Variants in ANKRD46 observed in about 807,000 individuals in gnomAD.
ANKRD46 encodes the protein ankyrin repeat domain-containing protein 46.
ANKRD46 carries 13 observed loss-of-function variants against 19.8 expected under a neutral mutation model. The observed-to-expected ratio is 0.66, with a 90% confidence interval of 0.43 to 1.04. ANKRD46 has a LOEUF of 1.04. ANKRD46 is among the 50% of genes least tolerant of loss of function. ANKRD46 has a pLI of 0.00. For synonymous variants in ANKRD46, 91 were observed against 106.9 expected, an observed-to-expected ratio of 0.85 and a Z score of 0.92; for missense variants, 185 against 274.8, an observed-to-expected ratio of 0.67 and a Z score of 2.31.
chr8:100,529,374 G>T lies in ANKRD46; in HGVS notation c.311+149C>A. ...AAGTCAGCCCCTCATTCCCTCACTT[G>T]CCTAACAGGATTACACTGTCTTCAA... On this transcript the variant is annotated intron_variant, in intron 3 of 4. Coordinates refer to ENST00000335659, the MANE Select transcript of ANKRD46 (RefSeq NM_001270377.2). This position sits in a 1 kb window ranked among gnomAD's most constrained non-coding sequence, Gnocchi z 5.8. 1 of 824,774 alleles carries T rather than the reference G, an allele frequency of 1.2e-6. No homozygotes were observed. The highest frequency in any genetic ancestry group is 1.8e-6 in the Non-Finnish European group (1 of 557,856). 51.1% of individuals were successfully genotyped at this position (824,774 alleles called of 1,614,324 possible). A position where few individuals can be genotyped will look rare whatever the true frequency, so the allele number is the denominator to read the frequency against.
chr8:100,530,633 T>C (rs1811941662), intron 2 of ANKRD46, among the ~76,000 whole-genome samples: 1 of 152,148 alleles, frequency 6.6e-6, no homozygotes, highest in South Asian at 2.1e-4. Flanking sequence ...TCCGCCTGCC[T>C]TGGCCTTGCA....
chr8:100,526,665 C>G lies in ANKRD46; in HGVS notation c.470+1180G>C, dbSNP rs16898519. Among the ~76,000 whole-genome samples, 1,082 of 152,224 alleles carry G rather than the reference C, an allele frequency of 7.1e-3. 16 individuals carry two copies. The highest frequency in any genetic ancestry group is 0.025 in the African/African-American group (1,036 of 41,528). The stretch of plus-strand genomic sequence containing the variant: ...ACTGTATTAAAGTGCTTGAAAGTAT[C>G]TGAACAAAATAGACCTAAGCTTGAG... On this transcript the variant is annotated intron_variant, in intron 4 of 4. Transcript: ENST00000335659.
In ANKRD46 at chr8:100,522,534, C is replaced by A. The variant is rs773309514; in HGVS notation, c.*21G>T. The stretch of plus-strand genomic sequence containing the variant: ...AAGCCAGGAAACAGGCAATTAATTG[C>A]CTCATCTTCCATGAGCTCCTTTAAT... On this transcript the variant is annotated 3_prime_UTR_variant, in exon 5 of 5. Coordinates refer to ENST00000335659, the MANE Select transcript of ANKRD46 (RefSeq NM_001270377.2). 1 of 1,611,964 alleles carries A rather than the reference C, an allele frequency of 6.2e-7. No individual in the cohort carries two copies. Among genetic ancestry groups the A allele is most frequent in the Non-Finnish European group, 8.5e-7 (1 of 1,178,654 alleles).
At chr8:100,555,098 A>G (rs756505628) in intron 1 of ANKRD46, among the ~76,000 whole-genome samples, 68 of 152,162 alleles carry the variant, frequency 4.5e-4, no homozygotes, top group Non-Finnish European at 9.4e-4. Context: ...TTAAATAGAA[A>G]TCTTTTACAA....
At position 100,510,603 on chromosome 8, in the gene ANKRD46, C is replaced by T; in HGVS notation, c.673G>A (p.Asp225Asn). The change falls in exon 6 of 6, where the codon GAC (aspartate) becomes AAC (asparagine). Residue 225 changes from aspartate (D) to asparagine (N), a missense_variant. Transcript: ENST00000520552. This position sits in a 1 kb window ranked among gnomAD's most constrained non-coding sequence, Gnocchi z 4.9. ...TAGATGGCCTGGATTCGGCTTCTGT[C>T]TTGCCTTGCAAAGCTTCCAAGCCTC... 6.5e-7 allele frequency: 1 copy of T among 1,535,526 alleles called. No homozygotes were observed. The highest frequency in any genetic ancestry group is 8.7e-7 in the Non-Finnish European group (1 of 1,146,684).
At chr8:100,548,878 T>A (rs1251158741) in intron 1 of ANKRD46, among the ~76,000 whole-genome samples, 2 of 152,254 alleles carry the variant, frequency 1.3e-5, no homozygotes, top group African/African-American at 2.4e-5. Context: ...CATCTTTTAA[T>A]GTCTGAGAAA....
intron 5 of ANKRD46, among the ~76,000 whole-genome samples, chr8:100,515,548 T>C (rs1435626609): frequency 6.6e-6 from 1 of 152,016 alleles, no homozygotes; most frequent in East Asian, 1.9e-4. Context: ...AGTCTGTATT[T>C]GGCCTAACTA....
chr8:100,529,950 T>C lies in ANKRD46; in HGVS notation c.-27-90A>G. 1 of 993,720 alleles carries C rather than the reference T, an allele frequency of 1.0e-6. No individual in the cohort carries two copies. 61.6% of individuals were successfully genotyped at this position (993,720 alleles called of 1,614,324 possible). The stretch of plus-strand genomic sequence containing the variant: ...AGAAAAGCAATATTTCTCATCCTTT[T>C]TGGCCTCCTGCCTCTAATAAATAAA... On this transcript the variant is annotated intron_variant, in intron 2 of 4. Coordinates refer to ENST00000335659, the MANE Select transcript of ANKRD46 (RefSeq NM_001270377.2). This position sits in a 1 kb window ranked among gnomAD's most constrained non-coding sequence, Gnocchi z 5.8.
chr8:100,531,735 C>T (rs1474942244), intron 2 of ANKRD46, among the ~76,000 whole-genome samples: 1 of 152,106 alleles, frequency 6.6e-6, no homozygotes, highest in African/African-American at 2.4e-5. Context: ...CCTCAAACTC[C>T]TGGGTTCAAG....
intron 1 of ANKRD46, chr8:100,551,782 C>A: frequency 1.1e-5 from 5 of 449,570 alleles, no homozygotes; most frequent in South Asian, 8.4e-5. Flanking sequence ...GCACCCATAC[C>A]CACCTCTCTT....
Position 100,524,739 on chromosome 8 carries a change from G to A in ANKRD46, c.471-1968C>T, listed in dbSNP as rs187297207. Among the ~76,000 whole-genome samples, 88 of 152,220 alleles carry A rather than the reference G, an allele frequency of 5.8e-4. 1 individual carries two copies. The highest frequency in any genetic ancestry group is 2.1e-3 in the African/African-American group (87 of 41,534). On this transcript the variant is annotated intron_variant, in intron 4 of 4. Transcript: ENST00000335659. The surrounding 1 kb of genome is among the most constrained non-coding windows in gnomAD (Gnocchi z 4.3). ...TACGAGTTGACATGCCCTTATACATGTTAGGTATAAAATGAAAATTCCATG... is the reference window on the plus strand; with the variant it reads ...TACGAGTTGACATGCCCTTATACATATTAGGTATAAAATGAAAATTCCATG...
Position 100,524,913 on chromosome 8 carries a change from A to G in ANKRD46, c.471-2142T>C, listed in dbSNP as rs554505466. 5.9e-5 allele frequency among the ~76,000 whole-genome samples: 9 copies of G among 152,258 alleles called. No individual in the cohort carries two copies. Among genetic ancestry groups the G allele is most frequent in the Non-Finnish European group, 1.0e-4 (7 of 67,986 alleles). ...TGTATAATCTTTTTTTAAAAACGTG[A>G]TATCTACACTGTCTTTGGGGGGTGT... On this transcript the variant is annotated intron_variant, in intron 4 of 4. Coordinates refer to ENST00000335659, the MANE Select transcript of ANKRD46 (RefSeq NM_001270377.2). This position sits in a 1 kb window ranked among gnomAD's most constrained non-coding sequence, Gnocchi z 4.3.
intron 1 of ANKRD46, among the ~76,000 whole-genome samples, chr8:100,553,640 T>C (rs1812438344): frequency 6.6e-6 from 1 of 152,080 alleles, no homozygotes; most frequent in Non-Finnish European, 1.5e-5. Context: ...TCGCAGCTAC[T>C]TGGGAGGCTG....
intron 1 of ANKRD46, chr8:100,551,316 C>A: frequency 1.8e-6 from 1 of 543,778 alleles, no homozygotes; most frequent in Admixed American, 2.2e-5. Context: ...AGGGATCATG[C>A]CCATTATGAA....
rs111451789 is a variant in ANKRD46, at chr8:100,557,732, G to A, written c.-131+1979C>T. 5.9e-5 allele frequency among the ~76,000 whole-genome samples: 9 copies of A among 152,264 alleles called. 1 individual carries two copies. The highest frequency in any genetic ancestry group is 2.2e-4 in the African/African-American group (9 of 41,550). On this transcript the variant is annotated intron_variant, in intron 1 of 4. Transcript: ENST00000335659. This position sits in a 1 kb window ranked among gnomAD's most constrained non-coding sequence, Gnocchi z 5.9. ...GCTGTCCCTCTAACAAGACTGAAGGGTTCTGGGCTTTTGCCCTTGCTTGGT... is the reference window on the plus strand; with the variant it reads ...GCTGTCCCTCTAACAAGACTGAAGGATTCTGGGCTTTTGCCCTTGCTTGGT...
At chr8:100,523,468 G>A (rs1430872806) in intron 4 of ANKRD46, among the ~76,000 whole-genome samples, 1 of 151,776 alleles carries the variant, frequency 6.6e-6, no homozygotes, top group Non-Finnish European at 1.5e-5. Flanking sequence ...GGGAAGATGA[G>A]TAAATCTAAA....
rs544175046 is a variant in ANKRD46 at position 100,511,384 on chromosome 8, G to T, written c.637-745C>A. ...AAAGAGTGGGTGTTTATGACAAGGA[G>T]TGTCTTGTTTATTTTCTTATGTATC... On this transcript the variant is annotated intron_variant, in intron 5 of 5. Coordinates refer to the ANKRD46 transcript ENST00000520552. This position sits in a 1 kb window ranked among gnomAD's most constrained non-coding sequence, Gnocchi z 4.1. Among the ~76,000 whole-genome samples, 20 of 151,258 alleles carry T rather than the reference G, an allele frequency of 1.3e-4. No individual in the cohort carries two copies. The highest frequency in any genetic ancestry group is 4.6e-4 in the African/African-American group (19 of 41,392).
rs1428900080 is a variant in ANKRD46 at position 100,533,209 on chromosome 8, G to T, written c.-28C>A. The T allele has an allele frequency of 6.6e-6, 1 of 152,196 alleles. No individual in the cohort carries two copies. Among genetic ancestry groups the T allele is most frequent in the African/African-American group, 2.4e-5 (1 of 41,442 alleles). The allele number at this position is 152,196 out of a possible 1,614,324, so 9.4% of individuals were successfully genotyped here. A position where few individuals can be genotyped will look rare whatever the true frequency, so the allele number is the denominator to read the frequency against. On this transcript the variant is annotated splice_region_variant and 5_prime_UTR_variant, in exon 2 of 5. Transcript: ENST00000335659. ...GAAGTCCACAGTAGTAAATACTCAC[G>T]TAAGCCTTAAGATTAGATCTTTTCG... is the stretch of plus-strand genomic sequence containing the variant.
Position 100,528,000 on chromosome 8 carries a change from ATTGCT to A in ANKRD46, c.312-2_314del. 9.0e-7 allele frequency: 1 copy of A among 1,113,174 alleles called. No individual in the cohort carries two copies. The allele number at this position is 1,113,174 out of a possible 1,614,324, so 69.0% of individuals were successfully genotyped here. A position where few individuals can be genotyped will look rare whatever the true frequency, so the allele number is the denominator to read the frequency against. On this transcript the variant is annotated splice_acceptor_variant and coding_sequence_variant, in exon 4 of 5. Coordinates refer to ENST00000335659, the MANE Select transcript of ANKRD46 (RefSeq NM_001270377.2). LOFTEE classifies it high-confidence loss of function. The surrounding 1 kb of genome is among the most constrained non-coding windows in gnomAD (Gnocchi z 4.0). ...GAACTAAAGGGGTAGCACCTTGATGATTGCTAAAAAAAAAAAAAAAAAAAAAAGTT... is the reference window on the plus strand; with the variant it reads ...GAACTAAAGGGGTAGCACCTTGATGAAAAAAAAAAAAAAAAAAAAAAAGTT...
Sources: allele counts gnomAD v4.1 joint callset (sites outside exome capture counted in the v4.1 genomes callset), GRCh38; gene constraint gnomAD v4.1.1; non-coding constraint Gnocchi (gnomAD v3.1); transcripts MANE v1.5; gene names NCBI Gene and HGNC (gene_info 2026-07-23, HGNC 2026-07-21).